TRIO: variants seen among roughly 807,000 people sequenced by gnomAD.
The protein encoded by TRIO is triple functional domain protein.
Under a neutral mutation model 351.9 loss-of-function variants are expected in TRIO, and 58 were observed. The ratio of observed to expected loss-of-function variants is 0.16; its 90% CI spans 0.13 to 0.21. The LOEUF (loss-of-function observed/expected upper bound fraction) is 0.21. TRIO is among the 10% of genes least tolerant of loss of function. The pLI is 1.00. For synonymous variants in TRIO, 1,758 were observed against 1,595.7 expected (o/e 1.10, Z -2.42); for missense variants, 3,201 against 4,027.8 (o/e 0.79, Z 5.56).
intron 8 of TRIO, among the ~76,000 whole-genome samples, chr5:14,314,103 A>G (rs1317205864): frequency 1.3e-5 from 2 of 152,230 alleles, no homozygotes; most frequent in Admixed American, 1.3e-4. Flanking sequence ...TTTAGGGTTA[A>G]CACCATGTGA....
chr5:14,343,712 C>T (rs1017238108), intron 11 of TRIO, among the ~76,000 whole-genome samples: 13 of 152,196 alleles, frequency 8.5e-5, no homozygotes, highest in Non-Finnish European at 1.5e-5. Flanking sequence ...GGGAAATACA[C>T]AGAAATTATG....
In TRIO at chr5:14,304,368, C is replaced by T. The variant is rs1216742562; in HGVS notation, c.1369-93C>T. ...CATGTTAAATTCTTAGGATCTCCCT[C>T]AAGTCCCCTAATTTTCAAAACCATG... On this transcript the variant is annotated intron_variant, in intron 7 of 56. Coordinates refer to ENST00000344204, the MANE Select transcript of TRIO (RefSeq NM_007118.4). 3 of 1,331,102 alleles carry T rather than the reference C, an allele frequency of 2.3e-6. No individual in the cohort carries two copies. In the East Asian group the frequency reaches 7.2e-5, roughly 32 times the overall value. 82.5% of individuals were successfully genotyped at this position (1,331,102 alleles called of 1,614,324 possible).
intron 28 of TRIO, among the ~76,000 whole-genome samples, chr5:14,395,915 G>A (rs1267400604): frequency 2.6e-5 from 4 of 151,800 alleles, no homozygotes; most frequent in East Asian, 3.9e-4. Flanking sequence ...GCATGGTGGC[G>A]GGCGCCTGTA....
intron 9 of TRIO, among the ~76,000 whole-genome samples, chr5:14,330,148 C>T (rs1740776917): frequency 6.6e-6 from 1 of 152,184 alleles, no homozygotes; most frequent in Admixed American, 6.5e-5. Context: ...GATTATACTG[C>T]TTTGTTTTTA....
intron 37 of TRIO, chr5:14,466,117 CTA>C: frequency 6.1e-6 from 1 of 164,904 alleles, no homozygotes; most frequent in Non-Finnish European, 1.3e-5. Flanking sequence ...CTAGCATAGA[CTA>C]TTTGCCTTGG....
chr5:14,291,614 C>T (rs1048231890), intron 5 of TRIO, among the ~76,000 whole-genome samples: 15 of 151,572 alleles, frequency 9.9e-5, no homozygotes, highest in East Asian at 7.8e-4. Context: ...CATAGTGAAA[C>T]CCCGTCTCTA....
intron 34 of TRIO, among the ~76,000 whole-genome samples, chr5:14,430,775 G>A (rs988739901): frequency 2.6e-5 from 4 of 151,926 alleles, no homozygotes; most frequent in Non-Finnish European, 5.9e-5. Context: ...GAGTGCAGTG[G>A]CATGATCCCG....
chr5:14,297,298 A>T, intron 7 of TRIO, 35 bp downstream of exon 7: 1 of 1,594,122 alleles, frequency 6.3e-7, no homozygotes, highest in Non-Finnish European at 8.6e-7. Context: ...ACGAGGTGGT[A>T]ACCAGAATAG....
chr5:14,488,111 AGCCGACCCG>A lies in TRIO; in HGVS notation c.7486_7494del (p.Arg2496_Gly2498del). ...GAGCTCCATCCCCGCCTCCCCCGCC[AGCCGACCCG>A]GCTCCTTCACCTTCCCGGGGGACAG... On this transcript the variant is annotated inframe_deletion, in exon 48 of 57. Transcript: ENST00000344204. 6.2e-7 allele frequency: 1 copy of A among 1,609,246 alleles called. No individual in the cohort carries two copies. The highest frequency in any genetic ancestry group is 8.5e-7 in the Non-Finnish European group (1 of 1,179,058).
intron 11 of TRIO, among the ~76,000 whole-genome samples, chr5:14,357,797 C>T (rs1054528304): frequency 6.6e-6 from 1 of 152,198 alleles, no homozygotes; most frequent in Non-Finnish European, 1.5e-5. Context: ...GAGCCCGAGA[C>T]ATATCAGCAG....
rs1561448838 is a variant in TRIO, at chr5:14,403,720, TGTGGTGAGGGTGCAGGTG to T, written c.4717-2103_4717-2086del. On this transcript the variant is annotated intron_variant, in intron 31 of 56. Coordinates refer to ENST00000344204, the MANE Select transcript of TRIO (RefSeq NM_007118.4). ...TGTAGGTTGTGGTGAGGGTGTAGGT[TGTGGTGAGGGTGCAGGTG>T]GTGGTGAGGGTGCAGGTGGTGGTGG... is the stretch of plus-strand genomic sequence containing the variant. Among the ~76,000 whole-genome samples the T allele has an allele frequency of 1.5e-3, 42 of 28,164 alleles. 1 individual carries two copies. The highest frequency in any genetic ancestry group is 5.6e-3 in the African/African-American group (38 of 6,726). 18.5% of individuals were successfully genotyped at this position (28,164 alleles called of 152,430 possible).
rs1308126472 is a variant in TRIO at position 14,145,493 on chromosome 5, C to T, written c.157+1611C>T. On this transcript the variant is annotated intron_variant, in intron 1 of 56. Transcript: ENST00000344204. ...CATGAGCTCCTTCTAAAGAAAGCTA[C>T]CCCCCCCCACCTTTTTTTTTTTGGT... Among the ~76,000 whole-genome samples, 7 of 44,162 alleles carry T rather than the reference C, an allele frequency of 1.6e-4. No individual in the cohort carries two copies. The African/African-American group carries it at 2.9e-3, about 18-fold the overall frequency. The allele number at this position is 44,162 out of a possible 152,430, so 29.0% of individuals were successfully genotyped here. A position where few individuals can be genotyped will look rare whatever the true frequency, so the allele number is the denominator to read the frequency against.
rs920061568 is a variant in TRIO, at chr5:14,443,507, T to C, written c.5204-17512T>C. Among the ~76,000 whole-genome samples the C allele has an allele frequency of 2.0e-5, 3 of 152,338 alleles. No homozygotes were observed. The South Asian group carries it at 6.2e-4, about 32-fold the overall frequency. On this transcript the variant is annotated intron_variant, in intron 34 of 56. Transcript: ENST00000344204. ...AAAGGAAGAATGATTCTGGGTAATA[T>C]CCAAGAAATAAATCCCAAAGTAACT...
intron 11 of TRIO, among the ~76,000 whole-genome samples, chr5:14,348,895 C>G (rs1265934038): frequency 1.7e-5 from 2 of 117,292 alleles, no homozygotes; most frequent in Non-Finnish European, 3.5e-5. Flanking sequence ...TGTGTTTTTC[C>G]TGCATGTTTG....
intron 18 of TRIO, among the ~76,000 whole-genome samples, chr5:14,370,686 C>T (rs575720297): frequency 6.6e-6 from 1 of 152,206 alleles, no homozygotes; most frequent in African/African-American, 2.4e-5. Flanking sequence ...AGCAAGCTCC[C>T]GGGGTGAAAA....
At chr5:14,409,241 G>A (rs1011438810) in intron 33 of TRIO, among the ~76,000 whole-genome samples, 1 of 152,156 alleles carries the variant, frequency 6.6e-6, no homozygotes, top group African/African-American at 2.4e-5. Context: ...CTGGAGTTAG[G>A]AGTAGTGAAA....
At chr5:14,312,281 T>C (rs144030772) in intron 8 of TRIO, among the ~76,000 whole-genome samples, 1 of 152,242 alleles carries the variant, frequency 6.6e-6, no homozygotes, top group Non-Finnish European at 1.5e-5. Flanking sequence ...CAGCCCATTG[T>C]TCTACATTTT....
Position 14,277,567 on chromosome 5 carries a change from AAC to A in TRIO, c.233-2745_233-2744del, listed in dbSNP as rs768029976. 2.0e-3 allele frequency among the ~76,000 whole-genome samples: 312 copies of A among 152,382 alleles called. 1 individual carries two copies. Among genetic ancestry groups the A allele is most frequent in the Non-Finnish European group, 3.4e-3 (232 of 68,046 alleles). On this transcript the variant is annotated intron_variant, in intron 2 of 56. Transcript: ENST00000344204. ...CCTCACCATGTGGCTTACGGTTGATAACACACACACATGAGTGTATCTAATAG... is the reference window on the plus strand; with the variant it reads ...CCTCACCATGTGGCTTACGGTTGATAACACACACATGAGTGTATCTAATAG...
chr5:14,349,597 C>T lies in TRIO; in HGVS notation c.2047-8581C>T, dbSNP rs980819614. Reference sequence around the variant, plus strand: ...ACATTACCAGGAAGTTTCCAAGTGGCAGTTCTACAAGATGAGCCCTTGAAG... The same window carrying T: ...ACATTACCAGGAAGTTTCCAAGTGGTAGTTCTACAAGATGAGCCCTTGAAG... On this transcript the variant is annotated intron_variant, in intron 11 of 56. Transcript: ENST00000344204. 9.3e-4 allele frequency among the ~76,000 whole-genome samples: 141 copies of T among 152,200 alleles called. 1 individual carries two copies. Among genetic ancestry groups the T allele is most frequent in the Admixed American group, 9.0e-3 (138 of 15,284 alleles).
Sources: gnomAD v4.1 joint callset for allele counts (sites outside exome capture counted in the v4.1 genomes callset) on GRCh38, gnomAD v4.1.1 for gene constraint, MANE v1.5 for transcripts, NCBI Gene and HGNC (gene_info 2026-07-23, HGNC 2026-07-21) for gene names.